Variants in THRB observed in about 807,000 individuals in gnomAD.
The protein encoded by THRB is thyroid hormone receptor beta, also known as nuclear receptor subfamily 1 group A member 2.
THRB carries 12 observed loss-of-function variants against 47.8 expected under a neutral mutation model. The observed-to-expected ratio is 0.25, with a 90% CI of 0.16 to 0.41. The LOEUF is 0.41. THRB is among the 10% of genes least tolerant of loss of function. The pLI is 1.00. For synonymous variants in THRB, 218 were observed against 212.2 expected, an observed-to-expected ratio of 1.03 and a Z score of -0.24; for missense variants, 348 against 589.2, an observed-to-expected ratio of 0.59 and a Z score of 4.24.
chr3:24,481,256 T>C (rs1240226042), intron 1 of THRB, among the ~76,000 whole-genome samples: 1 of 145,876 alleles, frequency 6.9e-6, no homozygotes, highest in Non-Finnish European at 1.5e-5. Context: ...TTTTTTTTTT[T>C]TACGGAAAAA....
intron 7 of THRB, among the ~76,000 whole-genome samples, chr3:24,145,992 A>C (rs1051852000): frequency 6.6e-6 from 1 of 152,182 alleles, no homozygotes; most frequent in Non-Finnish European, 1.5e-5. Flanking sequence ...TGACTGGTGT[A>C]AATCCCTCGC....
At chr3:24,450,722 T>C (rs2072564884) in intron 1 of THRB, among the ~76,000 whole-genome samples, 2 of 152,198 alleles carry the variant, frequency 1.3e-5, no homozygotes, top group African/African-American at 4.8e-5. Context: ...GATGCCAATC[T>C]ATAGTAGGCT....
At chr3:24,151,693 T>A (rs2036970695) in intron 6 of THRB, among the ~76,000 whole-genome samples, 1 of 152,212 alleles carries the variant, frequency 6.6e-6, no homozygotes, top group Admixed American at 6.5e-5. Context: ...AGAAACCTTA[T>A]CTGAATTTTG....
chr3:24,262,844 T>C (rs115258521), intron 3 of THRB, among the ~76,000 whole-genome samples: 2,675 of 152,266 alleles, frequency 0.018, 68 homozygotes, highest in African/African-American at 0.051. Flanking sequence ...GGAAGGGATT[T>C]TTTTATTTTT....
intron 10 of THRB, 132 bp from the exon 11 acceptor site, chr3:24,123,257 G>T: frequency 1.5e-6 from 2 of 1,326,518 alleles, no homozygotes; most frequent in Non-Finnish European, 1.1e-6. Context: ...CATGGATGCA[G>T]CGTGAACTCT....
At chr3:24,160,705 GGA>G (rs2038680907) in intron 5 of THRB, among the ~76,000 whole-genome samples, 1 of 152,226 alleles carries the variant, frequency 6.6e-6, no homozygotes, top group Non-Finnish European at 1.5e-5. Context: ...CATAAAAGCT[GGA>G]GCAGAGTGGG....
intron 1 of THRB, among the ~76,000 whole-genome samples, chr3:24,433,366 A>G (rs1167800549): frequency 6.6e-6 from 1 of 152,124 alleles, no homozygotes; most frequent in Non-Finnish European, 1.5e-5. Flanking sequence ...GAGGGGTCAG[A>G]GGCAAAGGAG....
At chr3:24,459,590 A>G (rs1353443902) in intron 1 of THRB, among the ~76,000 whole-genome samples, 1 of 152,192 alleles carries the variant, frequency 6.6e-6, no homozygotes, top group East Asian at 1.9e-4. Flanking sequence ...ACAGTGTGAA[A>G]GCGTTCCTCT....
intron 5 of THRB, among the ~76,000 whole-genome samples, chr3:24,181,524 A>G (rs2041894430): frequency 1.3e-5 from 2 of 152,234 alleles, no homozygotes; most frequent in Non-Finnish European, 2.9e-5. Context: ...TTGATAGCCT[A>G]TGATCATTAC....
chr3:24,264,777 A>C (rs764452928), intron 3 of THRB, among the ~76,000 whole-genome samples: 62 of 140,276 alleles, frequency 4.4e-4, no homozygotes, highest in Admixed American at 1.0e-3. Context: ...AGAACCCCCT[A>C]AAACAGCAAT....
chr3:24,317,205 G>C (rs2058176793), intron 2 of THRB, among the ~76,000 whole-genome samples: 1 of 152,250 alleles, frequency 6.6e-6, no homozygotes, highest in Admixed American at 6.5e-5. Context: ...CCTGTGACTT[G>C]AGCAGGTTAT....
At chr3:24,406,501 G>A (rs1231895664) in intron 1 of THRB, among the ~76,000 whole-genome samples, 3 of 151,368 alleles carry the variant, frequency 2.0e-5, no homozygotes, top group South Asian at 2.1e-4. Context: ...GTTTGTTATT[G>A]TTTATAATGT....
In THRB at chr3:24,127,835, C is replaced by T. The variant is rs185902610; in HGVS notation, c.886-78G>A. On this transcript the variant is annotated intron_variant, in intron 9 of 10. Transcript: ENST00000646209. ...GGAACAACATACAGTATCTTAAAAG[C>T]AATAGGAATAACCTTCTGTGATTAA... The T allele has an allele frequency of 4.4e-5, 65 of 1,474,852 alleles. No individual in the cohort carries two copies. In the African/African-American group the frequency reaches 8.3e-4, roughly 19 times the overall value. 91.4% of individuals were successfully genotyped at this position (1,474,852 alleles called of 1,614,324 possible). A position where few individuals can be genotyped will look rare whatever the true frequency, so the allele number is the denominator to read the frequency against.
intron 1 of THRB, chr3:24,458,323 CA>C (rs2073377209): frequency 6.6e-6 from 1 of 151,976 alleles, no homozygotes; most frequent in South Asian, 2.1e-4. Flanking sequence ...TTCTGAAGCA[CA>C]AAAGACCACG....
chr3:24,259,452 T>C (rs985824267), intron 3 of THRB, among the ~76,000 whole-genome samples: 8 of 152,106 alleles, frequency 5.3e-5, no homozygotes, highest in Non-Finnish European at 1.0e-4. Context: ...CTTAACAGTG[T>C]ATGTGTATGC....
chr3:24,370,033 T>C (rs1490779534), intron 1 of THRB, among the ~76,000 whole-genome samples: 2 of 152,016 alleles, frequency 1.3e-5, no homozygotes, highest in Non-Finnish European at 2.9e-5. Context: ...TAAAAGATGC[T>C]AGTTTGGAGA....
intron 1 of THRB, among the ~76,000 whole-genome samples, chr3:24,470,512 G>A (rs532824382): frequency 1.3e-5 from 2 of 152,318 alleles, no homozygotes; most frequent in Admixed American, 1.3e-4. Context: ...CATACGTAAA[G>A]TACTTGGAAC....
chr3:24,356,831 A>G (rs2063706005), intron 1 of THRB, among the ~76,000 whole-genome samples: 1 of 152,116 alleles, frequency 6.6e-6, no homozygotes, highest in African/African-American at 2.4e-5. Context: ...GCAGAAAAGA[A>G]GGAACGTACA....
intron 1 of THRB, among the ~76,000 whole-genome samples, chr3:24,382,394 A>C (rs1231931599): frequency 6.6e-6 from 1 of 152,132 alleles, no homozygotes; most frequent in Non-Finnish European, 1.5e-5. Flanking sequence ...ATATTTTACA[A>C]ATAAGGAAAA....
Sources: allele counts gnomAD v4.1 joint callset (sites outside exome capture counted in the v4.1 genomes callset), GRCh38; gene constraint gnomAD v4.1.1; transcripts MANE v1.5; gene names NCBI Gene and HGNC (gene_info 2026-07-23, HGNC 2026-07-21).